Variants in NRXN1 observed in about 807,000 individuals in gnomAD.
NRXN1 encodes the protein neurexin-1.
In NRXN1, 39 loss-of-function variants were observed where a neutral mutation model predicts 150.9. The observed-to-expected ratio is 0.26, with a 90% CI of 0.20 to 0.34. The LOEUF (loss-of-function observed/expected upper bound fraction) is 0.34, where lower values mean the gene tolerates loss of function less well. NRXN1 is among the 10% of genes least tolerant of loss of function. The pLI is 1.00. For missense variants in NRXN1, 1,815 were observed against 1,949.9 expected (o/e 0.93, Z 1.30); for synonymous variants, 924 against 757.0 (o/e 1.22, Z -3.62).
chr2:50,297,798 T>A (rs1014914244), intron 17 of NRXN1, among the ~76,000 whole-genome samples: 3 of 152,158 alleles, frequency 2.0e-5, no homozygotes, highest in Admixed American at 6.5e-5. Context: ...ATGTAACTTT[T>A]TTCTTAGTGT....
intron 18 of NRXN1, among the ~76,000 whole-genome samples, chr2:50,189,525 G>C (rs1471022710): frequency 6.6e-6 from 1 of 152,016 alleles, no homozygotes; most frequent in Non-Finnish European, 1.5e-5. Flanking sequence ...AATTAAAAAA[G>C]TGGTAAAATA....
At chr2:50,904,191 A>G (rs558746305) in intron 5 of NRXN1, among the ~76,000 whole-genome samples, 1 of 152,256 alleles carries the variant, frequency 6.6e-6, no homozygotes, top group East Asian at 1.9e-4. Context: ...TTGTTCCATA[A>G]CAGCAATTTG....
chr2:50,606,696 C>A (rs951153741), intron 8 of NRXN1, among the ~76,000 whole-genome samples: 10 of 151,578 alleles, frequency 6.6e-5, no homozygotes, highest in African/African-American at 2.4e-4. Flanking sequence ...TATCTTTTCC[C>A]AAGCCACCCA....
chr2:50,329,661 ATATATATATATATTTTT>A (rs2076687678), intron 17 of NRXN1, among the ~76,000 whole-genome samples: 21 of 28,006 alleles, frequency 7.5e-4, no homozygotes, highest in African/African-American at 4.1e-3. Context: ...ATATATATAT[ATATATATATATATTTTT>A]TTTTTTCCCC....
intron 18 of NRXN1, among the ~76,000 whole-genome samples, chr2:50,119,780 T>C (rs1228746275): frequency 2.0e-5 from 3 of 152,180 alleles, no homozygotes; most frequent in East Asian, 3.8e-4. Flanking sequence ...CTAAACTATC[T>C]GTTTTAGTGC....
At chr2:50,988,779 C>T (rs963352857) in intron 2 of NRXN1, among the ~76,000 whole-genome samples, 25 of 151,934 alleles carry the variant, frequency 1.6e-4, no homozygotes, top group Admixed American at 1.5e-3. Context: ...AATGGTTTTT[C>T]CCCAGTTTAT....
At chr2:50,430,784 C>CTAAT (rs2084905227) in intron 17 of NRXN1, among the ~76,000 whole-genome samples, 1 of 152,318 alleles carries the variant, frequency 6.6e-6, no homozygotes, top group Admixed American at 6.5e-5. Context: ...GTCAGGGTAT[C>CTAAT]TAATTCCTAA....
intron 5 of NRXN1, among the ~76,000 whole-genome samples, chr2:50,719,440 G>A (rs1696325941): frequency 6.6e-6 from 1 of 152,074 alleles, no homozygotes; most frequent in Non-Finnish European, 1.5e-5. Flanking sequence ...ACTTTGGGAG[G>A]CCGAGGCAAG....
At chr2:50,042,215 T>C (rs1445060273) in intron 21 of NRXN1, among the ~76,000 whole-genome samples, 2 of 152,180 alleles carry the variant, frequency 1.3e-5, no homozygotes, top group African/African-American at 4.8e-5. Context: ...TCAGGACTGA[T>C]ACGGTTTGGC....
At chr2:50,631,762 T>C (rs1157308041) in intron 5 of NRXN1, among the ~76,000 whole-genome samples, 2 of 151,932 alleles carry the variant, frequency 1.3e-5, no homozygotes, top group Non-Finnish European at 2.9e-5. Flanking sequence ...TAGTCAGTTC[T>C]ACATATAAAA....
At chr2:50,728,435 A>G (rs999246206) in intron 5 of NRXN1, among the ~76,000 whole-genome samples, 2 of 152,176 alleles carry the variant, frequency 1.3e-5, no homozygotes, top group African/African-American at 4.8e-5. Context: ...TTCCCTACAG[A>G]TGCAGAAAAC....
At chr2:50,865,866 A>T (rs368153757) in intron 5 of NRXN1, among the ~76,000 whole-genome samples, 31 of 151,184 alleles carry the variant, frequency 2.1e-4, no homozygotes, top group African/African-American at 7.5e-4. Flanking sequence ...AAACAATCTG[A>T]GAAGGGGATC....
intron 18 of NRXN1, among the ~76,000 whole-genome samples, chr2:50,135,745 A>G (rs931457829): frequency 6.6e-6 from 1 of 152,124 alleles, no homozygotes; most frequent in Non-Finnish European, 1.5e-5. Context: ...AAGCTGCCCA[A>G]TAATGTCTGA....
At chr2:50,355,418 T>TGTTATATTAA (rs1308816382) in intron 17 of NRXN1, among the ~76,000 whole-genome samples, 1 of 151,958 alleles carries the variant, frequency 6.6e-6, no homozygotes, top group Non-Finnish European at 1.5e-5. Flanking sequence ...TTCTGTAGCA[T>TGTTATATTAA]GTTATATTAA....
chr2:50,321,866 C>A (rs1195175432), intron 17 of NRXN1, among the ~76,000 whole-genome samples: 3 of 151,756 alleles, frequency 2.0e-5, no homozygotes, highest in Non-Finnish European at 4.4e-5. Context: ...TACTTACATG[C>A]CAGATATGAC....
intron 8 of NRXN1, 126 bp downstream of exon 8, chr2:50,619,896 A>G: frequency 1.3e-6 from 1 of 782,996 alleles, no homozygotes. Context: ...ACAATAGTAG[A>G]ATATTGAATT....
intron 18 of NRXN1, among the ~76,000 whole-genome samples, chr2:50,133,667 G>C (rs950964225): frequency 5.3e-5 from 8 of 152,204 alleles, no homozygotes; most frequent in Admixed American, 5.2e-4. Flanking sequence ...TTCTATGCTT[G>C]GCCAGGTAAA....
intron 5 of NRXN1, among the ~76,000 whole-genome samples, chr2:50,661,326 G>T (rs964610497): frequency 1.3e-5 from 2 of 152,012 alleles, no homozygotes; most frequent in African/African-American, 4.8e-5. Context: ...ACTTTTAGAC[G>T]TGCATTTTTT....
chr2:50,976,110 G>A (rs1387901015), intron 2 of NRXN1, among the ~76,000 whole-genome samples: 1 of 151,778 alleles, frequency 6.6e-6, no homozygotes, highest in Non-Finnish European at 1.5e-5. Context: ...TTTCTGATGA[G>A]GACTTGTACT....
Sources: allele counts gnomAD v4.1 joint callset (sites outside exome capture counted in the v4.1 genomes callset), GRCh38; gene constraint gnomAD v4.1.1; transcripts MANE v1.5; gene names NCBI Gene and HGNC (gene_info 2026-07-23, HGNC 2026-07-21).